Variants in FGF1 observed in about 807,000 individuals in gnomAD.
FGF1 encodes the protein fibroblast growth factor 1.
FGF1 carries 9 observed loss-of-function variants against 13.4 expected under a neutral mutation model. That is an observed-to-expected ratio of 0.67 (90% CI 0.40 to 1.17). The LOEUF (loss-of-function observed/expected upper bound fraction) is 1.17. Ranked by LOEUF, FGF1 falls within the 50% of genes most tolerant of loss-of-function variation. The pLI is 0.01. For missense variants in FGF1, 156 were observed against 192.7 expected (o/e 0.81, Z 1.13); for synonymous variants, 93 against 79.0 (o/e 1.18, Z -0.94).
intron 1 of FGF1, among the ~76,000 whole-genome samples, chr5:142,626,082 C>T (rs1362737396): frequency 2.0e-5 from 3 of 152,182 alleles, no homozygotes; most frequent in Non-Finnish European, 4.4e-5. Context: ...CCTTCTTGAA[C>T]ATTTACTGTA....
At chr5:142,622,694 G>A (rs1180562505) in intron 1 of FGF1, among the ~76,000 whole-genome samples, 1 of 152,214 alleles carries the variant, frequency 6.6e-6, no homozygotes, top group African/African-American at 2.4e-5. Flanking sequence ...GTGTTAGGCT[G>A]GCAGGGCCCC....
chr5:142,624,616 C>T (rs964322983), intron 1 of FGF1, among the ~76,000 whole-genome samples: 8 of 152,196 alleles, frequency 5.3e-5, no homozygotes, highest in South Asian at 2.1e-4. Flanking sequence ...TCTAAAGACT[C>T]CCCAAGTCAC....
At chr5:142,650,582 G>T (rs148878191) in intron 1 of FGF1, among the ~76,000 whole-genome samples, 1 of 152,130 alleles carries the variant, frequency 6.6e-6, no homozygotes, top group Non-Finnish European at 1.5e-5. Context: ...GCCAATAAAT[G>T]ATGATGGCAG....
At chr5:142,655,467 C>A (rs1335347635) in intron 1 of FGF1, among the ~76,000 whole-genome samples, 1 of 152,174 alleles carries the variant, frequency 6.6e-6, no homozygotes, top group Non-Finnish European at 1.5e-5. Flanking sequence ...CAATCTCAGC[C>A]ATACTTTGCT....
chr5:142,679,230 C>T (rs1318526639), intron 1 of FGF1, among the ~76,000 whole-genome samples: 3 of 152,188 alleles, frequency 2.0e-5, no homozygotes, highest in Admixed American at 2.0e-4. Flanking sequence ...GCCACACTGG[C>T]CTTCCTCCCG....
chr5:142,607,205 G>A (rs1331306473), intron 2 of FGF1, among the ~76,000 whole-genome samples: 1 of 152,220 alleles, frequency 6.6e-6, no homozygotes, highest in Non-Finnish European at 1.5e-5. Flanking sequence ...GGGGCAGACA[G>A]GGACCCAGGA....
chr5:142,694,155 G>T (rs1314983424), intron 2 of FGF1, among the ~76,000 whole-genome samples: 1 of 149,690 alleles, frequency 6.7e-6, no homozygotes. Flanking sequence ...CTGCCTCTCT[G>T]TATATATGTA....
intron 1 of FGF1, among the ~76,000 whole-genome samples, chr5:142,621,015 C>G (rs1761476456): frequency 1.3e-5 from 2 of 152,224 alleles, no homozygotes; most frequent in Admixed American, 1.3e-4. Context: ...TGCCTTAGCA[C>G]AGACCCAGCA....
At chr5:142,610,767 A>G (rs979824210) in intron 2 of FGF1, among the ~76,000 whole-genome samples, 1 of 152,216 alleles carries the variant, frequency 6.6e-6, no homozygotes, top group Non-Finnish European at 1.5e-5. Flanking sequence ...GCAGGCTAGA[A>G]GTCCACCAGT....
At chr5:142,604,227 G>A (rs774800355) in intron 2 of FGF1, among the ~76,000 whole-genome samples, 3 of 152,164 alleles carry the variant, frequency 2.0e-5, no homozygotes, top group South Asian at 2.1e-4. Context: ...CCATTGCATT[G>A]TACAACTTAA....
At chr5:142,665,275 C>T (rs1422097115) in intron 1 of FGF1, among the ~76,000 whole-genome samples, 3 of 152,050 alleles carry the variant, frequency 2.0e-5, no homozygotes, top group African/African-American at 7.3e-5. Flanking sequence ...ACCTCACACC[C>T]CTCACCCCTG....
At chr5:142,601,117 T>C (rs760988470) in intron 2 of FGF1, 1 of 539,422 alleles carries the variant, frequency 1.9e-6, no homozygotes, top group South Asian at 1.4e-5. Context: ...TTTCTTTCTG[T>C]CACTTGTAGG....
chr5:142,663,970 GAA>G (rs1769797698), intron 1 of FGF1, among the ~76,000 whole-genome samples: 2 of 152,236 alleles, frequency 1.3e-5, no homozygotes, highest in South Asian at 4.1e-4. Context: ...CTCGGGAAAA[GAA>G]AGAGATGGGC....
rs1214778889 is a variant in FGF1, at chr5:142,648,627, G to A, written c.-34-34466C>T. Among the ~76,000 whole-genome samples the A allele has an allele frequency of 4.5e-5, 6 of 133,720 alleles. No homozygotes were observed. The Admixed American group carries it at 5.2e-4, about 12-fold the overall frequency. The allele number at this position is 133,720 out of a possible 152,430, so 87.7% of individuals were successfully genotyped here. On this transcript the variant is annotated intron_variant, in intron 1 of 3. Transcript: ENST00000337706. ...CCTATGTAACAAACCTGCATGTTCT[G>A]TACATGTATCCCAGAACTTAAAGTA...
At position 142,636,190 on chromosome 5, in the gene FGF1, C is replaced by T. The variant is rs145010915; in HGVS notation, c.-34-22029G>A. 5.6e-4 allele frequency among the ~76,000 whole-genome samples: 85 copies of T among 152,344 alleles called. 1 individual carries two copies. Among genetic ancestry groups the T allele is most frequent in the Non-Finnish European group, 1.0e-3 (68 of 68,026 alleles). On this transcript the variant is annotated intron_variant, in intron 1 of 3. Coordinates refer to ENST00000337706, the MANE Select transcript of FGF1 (RefSeq NM_000800.5). ...TAGCAGGTACACCAATGCATCTGCA[C>T]CTTATCTGATTTGCTCCACAGTTCT... is the stretch of plus-strand genomic sequence containing the variant.
exon 1 of FGF1, chr5:142,697,980 C>T (rs1753388932): frequency 6.6e-6 from 1 of 152,276 alleles, no homozygotes; most frequent in African/African-American, 2.4e-5. Flanking sequence ...GGTCATGAGG[C>T]ACTTGGGCCC....
intron 1 of FGF1, among the ~76,000 whole-genome samples, chr5:142,683,456 G>C: frequency 6.6e-6 from 1 of 152,274 alleles, no homozygotes; most frequent in East Asian, 1.9e-4. Context: ...GAGTCTCCAG[G>C]TAGCCCGATA....
intron 2 of FGF1, among the ~76,000 whole-genome samples, chr5:142,607,653 C>G (rs894186078): frequency 6.6e-6 from 1 of 152,102 alleles, no homozygotes; most frequent in Non-Finnish European, 1.5e-5. Context: ...CTGTATGTGC[C>G]CGCAATAGAA....
At chr5:142,601,614 C>G (rs1038328364) in intron 2 of FGF1, among the ~76,000 whole-genome samples, 3 of 151,960 alleles carry the variant, frequency 2.0e-5, no homozygotes, top group Non-Finnish European at 4.4e-5. Flanking sequence ...GTTGTCACAG[C>G]TAGGGGGGGC....
Sources: allele counts gnomAD v4.1 joint callset (sites outside exome capture counted in the v4.1 genomes callset), GRCh38; gene constraint gnomAD v4.1.1; transcripts MANE v1.5; gene names NCBI Gene and HGNC (gene_info 2026-07-23, HGNC 2026-07-21).